KIT: variants seen among roughly 807,000 people sequenced by gnomAD.
KIT encodes KIT proto-oncogene, receptor tyrosine kinase.
Under a neutral mutation model 105.7 loss-of-function variants are expected in KIT, and 16 were observed. That is an observed-to-expected ratio of 0.15 (90% CI 0.10 to 0.23). KIT has a LOEUF of 0.23. Ranked by LOEUF, KIT falls within the 10% of genes least tolerant of loss-of-function variation. The pLI, the probability that KIT is intolerant of heterozygous loss-of-function variation, is 1.00. For synonymous variants in KIT, 438 were observed against 441.1 expected (o/e 0.99, Z 0.09); for missense variants, 858 against 1,213.8 (o/e 0.71, Z 4.36).
intron 1 of KIT, among the ~76,000 whole-genome samples, chr4:54,661,885 T>C (rs1171137781): frequency 2.0e-5 from 3 of 152,164 alleles, no homozygotes; most frequent in Non-Finnish European, 4.4e-5. Context: ...GCAGCTCTGA[T>C]TTCTGACATT....
At chr4:54,674,958 A>G (rs1020777171) in intron 1 of KIT, among the ~76,000 whole-genome samples, 2 of 152,240 alleles carry the variant, frequency 1.3e-5, no homozygotes, top group African/African-American at 2.4e-5. Flanking sequence ...ACTTAATATC[A>G]TCTAATAAAG....
intron 1 of KIT, among the ~76,000 whole-genome samples, chr4:54,680,951 T>TGTG: frequency 6.6e-6 from 1 of 152,210 alleles, no homozygotes; most frequent in African/African-American, 2.4e-5. Context: ...GCCAGGAGGA[T>TGTG]CTGCTCGGAG....
intron 1 of KIT, among the ~76,000 whole-genome samples, chr4:54,669,253 A>G (rs1354092090): frequency 6.8e-6 from 1 of 147,618 alleles, no homozygotes; most frequent in Non-Finnish European, 1.5e-5. Context: ...GCATATGTAG[A>G]AGGGTTTGTG....
chr4:54,729,251 T>C (rs1722431707), intron 13 of KIT, 84 bp from the exon 14 acceptor site: 1 of 1,453,126 alleles, frequency 6.9e-7, no homozygotes, highest in Admixed American at 1.7e-5. Flanking sequence ...TTAATGGCCA[T>C]GACCACCCTT....
chr4:54,739,976 C>G lies in KIT; in HGVS notation c.*1419C>G, dbSNP rs996265530. On this transcript the variant is annotated 3_prime_UTR_variant, in exon 21 of 21. Coordinates refer to ENST00000288135, the MANE Select transcript of KIT (RefSeq NM_000222.3). ...TCTCACTGAAACATTTAAATTTTAC[C>G]CTTTAGACTGTAGCCTGGATATTAT... 8.6e-6 allele frequency: 2 copies of G among 233,300 alleles called. No homozygotes were observed. The highest frequency in any genetic ancestry group is 4.4e-5 in the African/African-American group (2 of 45,286). 14.5% of individuals were successfully genotyped at this position (233,300 alleles called of 1,614,324 possible).
In KIT at chr4:54,725,912, C is replaced by T. The variant is rs761442091; in HGVS notation, c.1402C>T (p.Pro468Ser). 1.2e-6 allele frequency: 2 copies of T among 1,614,126 alleles called. No homozygotes were observed. The highest frequency in any genetic ancestry group is 2.2e-5 in the South Asian group (2 of 91,084). ...DVQTLNSSGP[P>S]FGKLVVQSSI... The stretch of plus-strand genomic sequence containing the variant: ...GCAGACACTAAACTCATCTGGGCCA[C>T]CGTTTGGAAAGCTAGTGGTTCAGAG... Residue 468 changes from proline (P) to serine (S), a missense_variant, in exon 9 of 21, where the codon CCG (proline) becomes TCG (serine). This residue lies in a region of KIT where 401 missense variants were observed against 601.0 expected (regional missense o/e 0.67). Transcript: ENST00000288135.
chr4:54,736,135 G>C (rs965980017), intron 17 of KIT, among the ~76,000 whole-genome samples: 2 of 152,126 alleles, frequency 1.3e-5, no homozygotes, highest in Non-Finnish European at 2.9e-5. Context: ...GAGAGGCCGT[G>C]TTTCTGTTTT....
intron 17 of KIT, 137 bp downstream of exon 17, chr4:54,733,329 A>T (rs1331962073): frequency 4.3e-6 from 4 of 920,046 alleles, no homozygotes; most frequent in African/African-American, 1.6e-5. Context: ...AATTAAGTAT[A>T]CTTCAGCAAA....
At chr4:54,698,643 C>T (rs2109675324) in intron 3 of KIT, 78 bp downstream of exon 3, 3 of 1,493,610 alleles carry the variant, frequency 2.0e-6, no homozygotes, top group East Asian at 2.3e-5. Flanking sequence ...CGTTGATCCA[C>T]CTTAGTGTAG....
intron 1 of KIT, among the ~76,000 whole-genome samples, chr4:54,663,707 G>A (rs1717470131): frequency 6.6e-6 from 1 of 152,128 alleles, no homozygotes; most frequent in African/African-American, 2.4e-5. Context: ...AGTACATGTA[G>A]TTCACCTAGG....
chr4:54,699,507 C>A, intron 3 of KIT, 123 bp from the exon 4 acceptor site: 1 of 1,093,824 alleles, frequency 9.1e-7, no homozygotes, highest in Non-Finnish European at 1.4e-6. Context: ...AGGTTAGCAC[C>A]ATGCTTTGTA....
chr4:54,728,507 G>A (rs1219254458), intron 13 of KIT, among the ~76,000 whole-genome samples: 2 of 152,138 alleles, frequency 1.3e-5, no homozygotes, highest in African/African-American at 4.8e-5. Context: ...TAAGCCTACT[G>A]GTTCTCAAAT....
chr4:54,676,363 T>G (rs1413379830), intron 1 of KIT, among the ~76,000 whole-genome samples: 1 of 152,204 alleles, frequency 6.6e-6, no homozygotes, highest in Non-Finnish European at 1.5e-5. Context: ...GTGTAAAAAT[T>G]ACTGGGCTTT....
chr4:54,689,291 T>G (rs1719529885), intron 1 of KIT, among the ~76,000 whole-genome samples: 1 of 152,196 alleles, frequency 6.6e-6, no homozygotes, highest in South Asian at 2.1e-4. Flanking sequence ...TTATACATAA[T>G]AAAATATCGA....
At position 54,681,362 on chromosome 4, in the gene KIT, T is replaced by C. The variant is rs935164524; in HGVS notation, c.68-14150T>C. Among the ~76,000 whole-genome samples, 8 of 152,268 alleles carry C rather than the reference T, an allele frequency of 5.3e-5. No individual in the cohort carries two copies. In the East Asian group the frequency reaches 1.5e-3, roughly 29 times the overall value. On this transcript the variant is annotated intron_variant, in intron 1 of 20. Transcript: ENST00000288135. Reference sequence around the variant, plus strand: ...AAATGAGAAAGTTCCTCCTTTCTGCTCAGGGATGGATCCCAGTATATTTTG... The same window carrying C: ...AAATGAGAAAGTTCCTCCTTTCTGCCCAGGGATGGATCCCAGTATATTTTG...
At chr4:54,727,640 A>G in intron 11 of KIT, 98 bp downstream of exon 11, 6 of 1,516,782 alleles carry the variant, frequency 4.0e-6, no homozygotes, top group Non-Finnish European at 4.6e-6. Flanking sequence ...GTTCCACCTG[A>G]AACAATGAGT....
chr4:54,726,588 G>A (rs1359592945), intron 9 of KIT, among the ~76,000 whole-genome samples: 1 of 152,188 alleles, frequency 6.6e-6, no homozygotes, highest in Non-Finnish European at 1.5e-5. Context: ...TTGGTACAAA[G>A]TGGGAAGACA....
At chr4:54,680,661 G>C (rs989925259) in intron 1 of KIT, among the ~76,000 whole-genome samples, 1 of 151,994 alleles carries the variant, frequency 6.6e-6, no homozygotes, top group African/African-American at 2.4e-5. Flanking sequence ...CCAAAGTGCT[G>C]GGATTACAGG....
At chr4:54,696,314 AAAAT>A (rs1356704233) in intron 2 of KIT, among the ~76,000 whole-genome samples, 1 of 152,216 alleles carries the variant, frequency 6.6e-6, no homozygotes, top group Non-Finnish European at 1.5e-5. Context: ...AAACAAAAGA[AAAAT>A]AAATATGGTA....
Sources: allele counts gnomAD v4.1 joint callset (sites outside exome capture counted in the v4.1 genomes callset), GRCh38; gene constraint gnomAD v4.1.1; regional missense constraint gnomAD v4.1.1; transcripts MANE v1.5; gene names NCBI Gene and HGNC (gene_info 2026-07-23, HGNC 2026-07-21).